The following PATJ variants were observed in gnomAD, a reference collection of about 807,000 sequenced individuals.
The protein encoded by PATJ is inaD-like protein.
A neutral mutation model predicts 224.9 loss-of-function variants in PATJ; 190 were observed. The observed-to-expected ratio is 0.84, with a 90% CI of 0.75 to 0.95. The LOEUF is 0.95. Ranked by LOEUF, PATJ falls within the 40% of genes least tolerant of loss-of-function variation. The pLI is 0.00. For synonymous variants in PATJ, 769 were observed against 820.3 expected, an observed-to-expected ratio of 0.94 and a Z score of 1.07; for missense variants, 2,121 against 2,270.3, an observed-to-expected ratio of 0.93 and a Z score of 1.34.
intron 33 of PATJ, among the ~76,000 whole-genome samples, chr1:62,088,939 G>A (rs888775380): frequency 3.3e-5 from 5 of 150,422 alleles, no homozygotes; most frequent in African/African-American, 4.9e-5. Flanking sequence ...CTTCCAAGGC[G>A]TGTTTCCACA....
chr1:62,069,077 T>C (rs1172301493), intron 31 of PATJ, among the ~76,000 whole-genome samples: 3 of 152,050 alleles, frequency 2.0e-5, no homozygotes, highest in East Asian at 3.9e-4. Flanking sequence ...ACTGCCATGA[T>C]TTTTTTTCCC....
chr1:61,914,627 G>C lies in PATJ; in HGVS notation c.3533G>C (p.Gly1178Ala), dbSNP rs147751244. ...NVHNKANKITGNQNQDTQEKK... is the reference protein window; with the variant it reads ...NVHNKANKITANQNQDTQEKK... ...CATAACAAGGCCAACAAAATCACCG[G>C]TAACCAGAACCAGGACACCCAAGAA... Residue 1178 changes from glycine to alanine, a missense_variant, in exon 26 of 44, where the codon GGT (glycine) becomes GCT (alanine). Transcript: ENST00000642238. 2,246 of 1,578,530 alleles carry C rather than the reference G, an allele frequency of 1.4e-3. 4 individuals carry two copies. The highest frequency in any genetic ancestry group is 1.8e-3 in the Non-Finnish European group (2,083 of 1,148,772).
intron 27 of PATJ, among the ~76,000 whole-genome samples, chr1:61,943,506 T>C (rs1162867456): frequency 1.3e-5 from 2 of 152,014 alleles, no homozygotes; most frequent in Non-Finnish European, 2.9e-5. Flanking sequence ...CAGTCTGAGA[T>C]CGAACTGCGA....
At chr1:61,821,154 C>T (rs1417212833) in intron 14 of PATJ, among the ~76,000 whole-genome samples, 1 of 151,906 alleles carries the variant, frequency 6.6e-6, no homozygotes, top group Admixed American at 6.6e-5. Context: ...ATGCCATTCT[C>T]CTGCCTCAGC....
chr1:61,929,059 A>G (rs919919474), intron 27 of PATJ, among the ~76,000 whole-genome samples: 14 of 152,236 alleles, frequency 9.2e-5, no homozygotes, highest in Admixed American at 2.0e-4. Context: ...ATAAAGTGTG[A>G]TAAGTGTACT....
chr1:61,751,011 T>C lies in PATJ; in HGVS notation c.-36+8456T>C, dbSNP rs113062742. Among the ~76,000 whole-genome samples, 333 of 150,710 alleles carry C rather than the reference T, an allele frequency of 2.2e-3. 2 individuals are homozygous for C. The highest frequency in any genetic ancestry group is 7.7e-3 in the African/African-American group (317 of 41,094). On this transcript the variant is annotated intron_variant, in intron 1 of 43. Transcript: ENST00000642238. Reference sequence around the variant, plus strand: ...TTCTATTTTATTTTACTTTTTTTTTTTTTTTTGAGATGGAGTCTCACACTC... The same window carrying C: ...TTCTATTTTATTTTACTTTTTTTTTCTTTTTTGAGATGGAGTCTCACACTC...
At chr1:61,974,584 C>T (rs1410471785) in intron 27 of PATJ, among the ~76,000 whole-genome samples, 1 of 151,744 alleles carries the variant, frequency 6.6e-6, no homozygotes, top group Admixed American at 6.6e-5. Context: ...TCCAGGGTGA[C>T]AGAATGAGAC....
In PATJ at chr1:61,814,130, C is replaced by CTTTTTTT. The variant is rs762502160; in HGVS notation, c.1683+5617_1683+5623dup. ...TCACCCAAAATTACATTATTCTCTT[C>CTTTTTTT]TTTTTTTTTTTTTTTTTTTTTTTGA... On this transcript the variant is annotated intron_variant, in intron 14 of 43. Transcript: ENST00000642238. Among the ~76,000 whole-genome samples the CTTTTTTT allele has an allele frequency of 1.0e-3, 89 of 85,886 alleles. 1 individual carries two copies. The highest frequency in any genetic ancestry group is 2.2e-3 in the African/African-American group (46 of 21,028). 56.3% of individuals were successfully genotyped at this position (85,886 alleles called of 152,430 possible).
At chr1:61,927,925 T>A in intron 27 of PATJ, 96 bp downstream of exon 27, 1 of 861,986 alleles carries the variant, frequency 1.2e-6, no homozygotes, top group Non-Finnish European at 1.8e-6. Context: ...TGTGAGTTCT[T>A]CAAAAATGTG....
At position 62,059,603 on chromosome 1, in the gene PATJ, C is replaced by T. The variant is rs539996785; in HGVS notation, c.4125+8545C>T. Among the ~76,000 whole-genome samples the T allele has an allele frequency of 6.0e-5, 9 of 150,616 alleles. No homozygotes were observed. The South Asian group carries it at 6.3e-4, about 11-fold the overall frequency. The stretch of plus-strand genomic sequence containing the variant: ...GTTCACTCCAGCCTGGGTGAGAGAG[C>T]GAGACTCCATCTCAAAAAAAAAAAG... On this transcript the variant is annotated intron_variant, in intron 31 of 43. Transcript: ENST00000642238.
chr1:62,022,854 T>C (rs974113482), intron 29 of PATJ, among the ~76,000 whole-genome samples: 1 of 152,228 alleles, frequency 6.6e-6, no homozygotes, highest in Non-Finnish European at 1.5e-5. Context: ...AACATATGTC[T>C]TCCTTTTGTA....
At chr1:61,752,551 G>C (rs1215902830) in intron 1 of PATJ, among the ~76,000 whole-genome samples, 1 of 152,006 alleles carries the variant, frequency 6.6e-6, no homozygotes, top group Non-Finnish European at 1.5e-5. Flanking sequence ...TGCCCTTGTG[G>C]TCCAAGGCCT....
At position 62,149,886 on chromosome 1, in the gene PATJ, A is replaced by G. The variant is rs115028915; in HGVS notation, c.5378+1496A>G. 8.1e-4 allele frequency among the ~76,000 whole-genome samples: 123 copies of G among 152,184 alleles called. 2 individuals carry two copies. Among genetic ancestry groups the G allele is most frequent in the African/African-American group, 2.8e-3 (118 of 41,514 alleles). ...AAAATGTTATGATATTGTGAGATCA[A>G]TAGAGGCAAATTCCATCTGATGTTG... On this transcript the variant is annotated intron_variant, in intron 42 of 43. Transcript: ENST00000642238.
intron 27 of PATJ, among the ~76,000 whole-genome samples, chr1:61,934,357 A>G (rs1638755743): frequency 6.6e-6 from 1 of 152,240 alleles, no homozygotes; most frequent in African/African-American, 2.4e-5. Flanking sequence ...ACCTCAGGTG[A>G]TCCGCCTGCT....
intron 33 of PATJ, among the ~76,000 whole-genome samples, chr1:62,089,089 T>C (rs546869130): frequency 1.6e-4 from 24 of 152,284 alleles, no homozygotes; most frequent in African/African-American, 5.8e-4. Context: ...CATTGCTTTT[T>C]ATATGGGAAT....
intron 41 of PATJ, among the ~76,000 whole-genome samples, chr1:62,137,771 G>A (rs1300159648): frequency 1.3e-5 from 2 of 151,972 alleles, no homozygotes; most frequent in South Asian, 2.1e-4. Flanking sequence ...TTCCGTAGGC[G>A]CAGAGGACAA....
chr1:62,022,677 C>G (rs11207894), intron 29 of PATJ, among the ~76,000 whole-genome samples: 1 of 151,810 alleles, frequency 6.6e-6, no homozygotes, highest in African/African-American at 2.4e-5. Flanking sequence ...TATAACAACT[C>G]ACTCTCCATT....
At position 61,834,358 on chromosome 1, in the gene PATJ, TG is replaced by T. The variant is rs141144242; in HGVS notation, c.2112+574del. Among the ~76,000 whole-genome samples, 279 of 152,342 alleles carry T rather than the reference TG, an allele frequency of 1.8e-3. 1 individual carries two copies. Among genetic ancestry groups the T allele is most frequent in the African/African-American group, 6.3e-3 (262 of 41,568 alleles). ...TTGGTCAAGTTATATATTGCATTTA[TG>T]TTAATACATAATATCTATGTATTTA... is the stretch of plus-strand genomic sequence containing the variant. On this transcript the variant is annotated intron_variant, in intron 17 of 43. Transcript: ENST00000642238.
chr1:61,891,693 G>T (rs535502628), intron 22 of PATJ, among the ~76,000 whole-genome samples: 1 of 152,160 alleles, frequency 6.6e-6, no homozygotes, highest in South Asian at 2.1e-4. Context: ...CAGAAGAGAC[G>T]TAATGTTCTG....
Sources: gnomAD v4.1 joint callset for allele counts (sites outside exome capture counted in the v4.1 genomes callset) on GRCh38, gnomAD v4.1.1 for gene constraint, MANE v1.5 for transcripts, NCBI Gene and HGNC (gene_info 2026-07-23, HGNC 2026-07-21) for gene names.